Variants in PRTG observed in about 807,000 individuals in gnomAD.
PRTG encodes the protein protogenin.
PRTG carries 67 observed loss-of-function variants against 122.5 expected under a neutral mutation model. The observed-to-expected ratio is 0.55, with a 90% CI of 0.45 to 0.67. The LOEUF (loss-of-function observed/expected upper bound fraction) is 0.67. PRTG is among the 30% of genes least tolerant of loss of function. The pLI, the probability that PRTG is intolerant of heterozygous loss-of-function variation, is 0.00. For missense variants in PRTG, 1,435 were observed against 1,415.4 expected (o/e 1.01, Z -0.22); for synonymous variants, 554 against 501.1 (o/e 1.11, Z -1.41).
intron 15 of PRTG, among the ~76,000 whole-genome samples, chr15:55,634,765 C>G (rs1455955051): frequency 1.3e-5 from 2 of 151,850 alleles, no homozygotes; most frequent in Non-Finnish European, 2.9e-5. Flanking sequence ...TGACTTGAAC[C>G]CAGGAGGAAG....
At chr15:55,666,559 A>G (rs1263862745) in intron 11 of PRTG, among the ~76,000 whole-genome samples, 1 of 152,238 alleles carries the variant, frequency 6.6e-6, no homozygotes, top group African/African-American at 2.4e-5. Context: ...CCTACTGAAT[A>G]TTAGAATCTG....
intron 2 of PRTG, among the ~76,000 whole-genome samples, chr15:55,734,441 A>G (rs1207529846): frequency 6.6e-6 from 1 of 152,172 alleles, no homozygotes; most frequent in Non-Finnish European, 1.5e-5. Flanking sequence ...TGCTTCAAGA[A>G]GTAAGCTTTA....
intron 15 of PRTG, among the ~76,000 whole-genome samples, chr15:55,629,375 ATGTGTG>A (rs59080250): frequency 0.041 from 1,921 of 47,346 alleles, 22 homozygotes; most frequent in Non-Finnish European, 0.049. Flanking sequence ...ATATATATAT[ATGTGTG>A]TGTGTGTGTG....
rs1349291015 is a variant in PRTG, at chr15:55,729,328, G to C, written c.397+11054C>G. 3.9e-5 allele frequency among the ~76,000 whole-genome samples: 6 copies of C among 152,268 alleles called. No individual in the cohort carries two copies. In the East Asian group the frequency reaches 5.8e-4, roughly 15 times the overall value. On this transcript the variant is annotated intron_variant, in intron 2 of 19. Transcript: ENST00000389286. ...TACCACATATAGGCACATCCACTGAGACAAGAAGTAAATTCGTGGCTGCTA... is the reference window on the plus strand; with the variant it reads ...TACCACATATAGGCACATCCACTGACACAAGAAGTAAATTCGTGGCTGCTA...
intron 2 of PRTG, among the ~76,000 whole-genome samples, chr15:55,738,998 A>G (rs536214661): frequency 6.2e-4 from 95 of 152,242 alleles, no homozygotes; most frequent in African/African-American, 2.2e-3. Flanking sequence ...AAATCCTCTC[A>G]GGTTTATGCT....
chr15:55,625,876 G>A (rs750756446), intron 17 of PRTG, among the ~76,000 whole-genome samples: 35 of 151,912 alleles, frequency 2.3e-4, no homozygotes, highest in Non-Finnish European at 4.3e-4. Context: ...GCTCACCTCG[G>A]CCTCCCCAAG....
intron 11 of PRTG, among the ~76,000 whole-genome samples, chr15:55,670,540 A>C (rs2059463457): frequency 6.6e-6 from 1 of 152,200 alleles, no homozygotes; most frequent in Non-Finnish European, 1.5e-5. Context: ...AGGTTGGGCT[A>C]ATGTCATCTC....
intron 11 of PRTG, among the ~76,000 whole-genome samples, chr15:55,645,848 G>C (rs111481226): frequency 0.024 from 3,681 of 152,092 alleles, 162 homozygotes; most frequent in African/African-American, 0.085. Flanking sequence ...GTGGTTTTTG[G>C]GGGAAAACAG....
chr15:55,697,681 C>T (rs568995760), intron 2 of PRTG, among the ~76,000 whole-genome samples: 188 of 152,056 alleles, frequency 1.2e-3, no homozygotes, highest in African/African-American at 4.5e-3. Flanking sequence ...GTAGACACAG[C>T]GTTTCACCAT....
At chr15:55,627,635 C>T (rs531417227) in intron 16 of PRTG, among the ~76,000 whole-genome samples, 1 of 151,900 alleles carries the variant, frequency 6.6e-6, no homozygotes, top group Admixed American at 6.6e-5. Context: ...CCACCACGCC[C>T]GGCCCAATAT....
At chr15:55,724,874 G>C (rs1315655542) in intron 2 of PRTG, among the ~76,000 whole-genome samples, 1 of 152,206 alleles carries the variant, frequency 6.6e-6, no homozygotes, top group Non-Finnish European at 1.5e-5. Flanking sequence ...AGAAACAGCT[G>C]AGGCAACTCA....
At chr15:55,658,878 G>C (rs1017973209) in intron 11 of PRTG, among the ~76,000 whole-genome samples, 2 of 152,020 alleles carry the variant, frequency 1.3e-5, no homozygotes, top group African/African-American at 4.8e-5. Context: ...GAAGGAAATG[G>C]GAGACATATA....
At chr15:55,688,012 T>A (rs2059579654) in intron 2 of PRTG, among the ~76,000 whole-genome samples, 1 of 152,024 alleles carries the variant, frequency 6.6e-6, no homozygotes, top group African/African-American at 2.4e-5. Context: ...TTCTCCCAGC[T>A]CCTTTCCCTC....
chr15:55,703,297 T>C (rs2141843426), intron 2 of PRTG, among the ~76,000 whole-genome samples: 1 of 152,312 alleles, frequency 6.6e-6, no homozygotes, highest in East Asian at 1.9e-4. Context: ...TTACAGTAAA[T>C]GATTTACAAT....
At chr15:55,629,413 GTGTGTGTGTGTGTGTGTGTGTGTAA>G (rs1306654320) in intron 15 of PRTG, among the ~76,000 whole-genome samples, 5 of 128,416 alleles carry the variant, frequency 3.9e-5, no homozygotes, top group African/African-American at 1.7e-4. Flanking sequence ...GTGTGTGTGT[GTGTGTGTGTGTGTGTGTGTGTGTAA>G]TGTTTTACTC....
chr15:55,731,523 AC>A (rs1275795119), intron 2 of PRTG, among the ~76,000 whole-genome samples: 1 of 151,598 alleles, frequency 6.6e-6, no homozygotes, highest in African/African-American at 2.4e-5. Flanking sequence ...GGCACACACC[AC>A]CACACCCAGA....
At chr15:55,718,819 T>C (rs1356327796) in intron 2 of PRTG, among the ~76,000 whole-genome samples, 1 of 152,100 alleles carries the variant, frequency 6.6e-6, no homozygotes, top group African/African-American at 2.4e-5. Flanking sequence ...CTTGGCTCAC[T>C]GCAACCTCCA....
chr15:55,741,782 C>T (rs1483246667), intron 1 of PRTG, among the ~76,000 whole-genome samples: 1 of 152,206 alleles, frequency 6.6e-6, no homozygotes, highest in African/African-American at 2.4e-5. Flanking sequence ...GTAATGTATG[C>T]CCAGGGCGAC....
rs1194109620 is a variant in PRTG, at chr15:55,626,282, G to A, written c.2927+726C>T. Among the ~76,000 whole-genome samples the A allele has an allele frequency of 5.9e-5, 9 of 151,948 alleles. No homozygotes were observed. The South Asian group carries it at 6.2e-4, about 11-fold the overall frequency. On this transcript the variant is annotated intron_variant, in intron 17 of 19. Transcript: ENST00000389286. ...AAATTAGCCAGGCGTGGTGGCAGGC[G>A]CTTGTAATGCCAGCTACTTGGGAGG... is the stretch of plus-strand genomic sequence containing the variant.
Sources: allele counts gnomAD v4.1 joint callset (sites outside exome capture counted in the v4.1 genomes callset), GRCh38; gene constraint gnomAD v4.1.1; transcripts MANE v1.5; gene names NCBI Gene and HGNC (gene_info 2026-07-23, HGNC 2026-07-21).